ELAVL4: variants seen among roughly 807,000 people sequenced by gnomAD.
ELAVL4 encodes ELAV-like protein 4.
ELAVL4 carries 1 observed loss-of-function variant against 35.6 expected under a neutral mutation model. The observed-to-expected ratio is 0.03, with a 90% confidence interval of 0.01 to 0.13. The LOEUF (loss-of-function observed/expected upper bound fraction) is 0.13, where lower values mean the gene tolerates loss of function less well. Among genes scored for constraint, ELAVL4 ranks in the 10% least tolerant of loss-of-function variants. ELAVL4 has a pLI of 1.00. For missense variants in ELAVL4, 267 were observed against 464.9 expected (o/e 0.57, Z 3.91); for synonymous variants, 156 against 171.0 (o/e 0.91, Z 0.69).
chr1:50,134,643 A>G (rs1487824143), intron 1 of ELAVL4, among the ~76,000 whole-genome samples: 1 of 152,168 alleles, frequency 6.6e-6, no homozygotes, highest in Non-Finnish European at 1.5e-5. Flanking sequence ...TCTTTTTCAA[A>G]TCTGACTTAA....
chr1:50,100,415 C>G (rs1665920733), upstream of ELAVL4, among the ~76,000 whole-genome samples: 1 of 152,158 alleles, frequency 6.6e-6, no homozygotes, highest in Admixed American at 6.5e-5. Context: ...GATGCGATGG[C>G]TGTCAGTATT....
At chr1:50,182,801 C>T (rs953109400) in intron 3 of ELAVL4, among the ~76,000 whole-genome samples, 13 of 151,974 alleles carry the variant, frequency 8.6e-5, no homozygotes, top group African/African-American at 3.1e-4. Flanking sequence ...AGAATCATAT[C>T]GTGAAGGCAA....
intron 1 of ELAVL4, among the ~76,000 whole-genome samples, chr1:50,063,891 A>G (rs867613953): frequency 6.6e-6 from 1 of 152,080 alleles, no homozygotes; most frequent in African/African-American, 2.4e-5. Flanking sequence ...TTCCTCATGT[A>G]TGGTCTTTTC....
chr1:50,120,852 G>C lies in ELAVL4; in HGVS notation c.9+11654G>C, dbSNP rs12036887. Among the ~76,000 whole-genome samples, 93 of 152,170 alleles carry C rather than the reference G, an allele frequency of 6.1e-4. 2 individuals carry two copies. The East Asian group carries it at 0.016, about 27-fold the overall frequency. On this transcript the variant is annotated intron_variant, in intron 1 of 6. Transcript: ENST00000371824. ...GCATTCTCTCACCAACAGGTCTCCA[G>C]TGCTCATTTTGTGGGATAATGTGTG...
intron 1 of ELAVL4, among the ~76,000 whole-genome samples, chr1:50,138,692 C>T (rs1672311007): frequency 6.6e-6 from 1 of 152,098 alleles, no homozygotes; most frequent in African/African-American, 2.4e-5. Flanking sequence ...TCTCAAACTC[C>T]TGATCTCAGG....
chr1:50,184,485 C>G lies in ELAVL4; in HGVS notation c.354+7293C>G, dbSNP rs192048881. On this transcript the variant is annotated intron_variant, in intron 3 of 6. Coordinates refer to ENST00000371824, the MANE Select transcript of ELAVL4 (RefSeq NM_001144774.3). ...ACAGAAAATAGTGGTCCTTTCTTGT[C>G]CACTCTGGTCAGCCCATCCTAGTGT... Among the ~76,000 whole-genome samples, 53 of 151,892 alleles carry G rather than the reference C, an allele frequency of 3.5e-4. 1 individual carries two copies. The highest frequency in any genetic ancestry group is 1.2e-3 in the African/African-American group (49 of 41,430).
At position 50,071,559 on chromosome 1, in the gene ELAVL4, T is replaced by C. The variant is rs1328750970; in HGVS notation, c.18+23377T>C. 5.3e-5 allele frequency among the ~76,000 whole-genome samples: 8 copies of C among 152,170 alleles called. No homozygotes were observed. In the South Asian group the frequency reaches 1.2e-3, roughly 24 times the overall value. On this transcript the variant is annotated intron_variant, in intron 1 of 6. Coordinates refer to the ELAVL4 transcript ENST00000448907. ...ATAGCCACATACACAAAAGATGCCT[T>C]TTGTGTAGGAAACATTAGGGGCAGG...
At chr1:50,110,046 T>C in intron 1 of ELAVL4, 1 of 1,541,808 alleles carries the variant, frequency 6.5e-7, no homozygotes, top group Non-Finnish European at 8.9e-7. Context: ...TGTGTATGTG[T>C]AAGGATGCTG....
chr1:50,053,289 G>T (rs1663486686), intron 1 of ELAVL4, among the ~76,000 whole-genome samples: 1 of 152,066 alleles, frequency 6.6e-6, no homozygotes, highest in African/African-American at 2.4e-5. Context: ...ACAAACAATT[G>T]CTCATGTCTC....
intron 1 of ELAVL4, chr1:50,110,094 T>A: frequency 1.7e-6 from 2 of 1,158,104 alleles, no homozygotes; most frequent in Non-Finnish European, 2.5e-6. Flanking sequence ...ATCGTTTGTG[T>A]GTGTATGTAT....
At chr1:50,094,241 T>C (rs1665617982) in intron 1 of ELAVL4, among the ~76,000 whole-genome samples, 1 of 152,216 alleles carries the variant, frequency 6.6e-6, no homozygotes, top group Admixed American at 6.5e-5. Flanking sequence ...GGGACAGACA[T>C]GCAAAAGAAG....
chr1:50,153,638 G>T (rs771792253), intron 2 of ELAVL4, among the ~76,000 whole-genome samples: 7 of 152,180 alleles, frequency 4.6e-5, no homozygotes, highest in African/African-American at 4.8e-5. Context: ...TTAGATTGTA[G>T]GAGACCAGTC....
At chr1:50,091,767 C>G (rs1665505586) in intron 1 of ELAVL4, among the ~76,000 whole-genome samples, 1 of 152,198 alleles carries the variant, frequency 6.6e-6, no homozygotes, top group African/African-American at 2.4e-5. Flanking sequence ...CTTCTAAGCA[C>G]TTTCACTTCT....
chr1:50,066,187 CGTT>C (rs1158219442), intron 1 of ELAVL4, among the ~76,000 whole-genome samples: 4 of 152,250 alleles, frequency 2.6e-5, no homozygotes, highest in African/African-American at 9.6e-5. Flanking sequence ...AGAAACAAAT[CGTT>C]GTATCATGTT....
At chr1:50,107,708 G>A (rs1346891090), upstream of ELAVL4, among the ~76,000 whole-genome samples, 1 of 152,128 alleles carries the variant, frequency 6.6e-6, no homozygotes, top group Non-Finnish European at 1.5e-5. Context: ...TGTATTTATT[G>A]AAGAACAAAT....
intron 2 of ELAVL4, among the ~76,000 whole-genome samples, chr1:50,160,857 C>G (rs1417999306): frequency 6.6e-6 from 1 of 152,172 alleles, no homozygotes; most frequent in Non-Finnish European, 1.5e-5. Flanking sequence ...ATCTAAATCC[C>G]AACATGATAT....
rs1403792260 is a variant in ELAVL4, at chr1:50,178,864, C to A, written c.354+1672C>A. Among the ~76,000 whole-genome samples, 3 of 152,292 alleles carry A rather than the reference C, an allele frequency of 2.0e-5. No individual in the cohort carries two copies. The East Asian group carries it at 5.8e-4, about 29-fold the overall frequency. On this transcript the variant is annotated intron_variant, in intron 3 of 6. Coordinates refer to ENST00000371824, the MANE Select transcript of ELAVL4 (RefSeq NM_001144774.3). ...ATGTCTACTCTTCCCTTGACAGACACCCTGACCTTGAACTGAAAAAGGTAC... is the reference window on the plus strand; with the variant it reads ...ATGTCTACTCTTCCCTTGACAGACAACCTGACCTTGAACTGAAAAAGGTAC...
intron 2 of ELAVL4, among the ~76,000 whole-genome samples, chr1:50,171,563 A>C (rs907947164): frequency 6.6e-6 from 1 of 152,220 alleles, no homozygotes. Context: ...GCACTGAATA[A>C]ATTGTAGCTG....
intron 3 of ELAVL4, among the ~76,000 whole-genome samples, chr1:50,187,581 C>A (rs971911923): frequency 6.6e-6 from 1 of 152,204 alleles, no homozygotes; most frequent in Admixed American, 6.5e-5. Context: ...AGAGCAGGTG[C>A]TCACTTTCAG....
Sources: gnomAD v4.1 joint callset for allele counts (sites outside exome capture counted in the v4.1 genomes callset) on GRCh38, gnomAD v4.1.1 for gene constraint, MANE v1.5 for transcripts, NCBI Gene and HGNC (gene_info 2026-07-23, HGNC 2026-07-21) for gene names.